The following TYW1B variants were observed in gnomAD, a reference collection of about 807,000 sequenced individuals.
The protein encoded by TYW1B is tRNA-yW synthesizing protein 1 homolog B.
In TYW1B, 73 loss-of-function variants were observed where a neutral mutation model predicts 86.9. The observed-to-expected ratio is 0.84, with a 90% CI of 0.70 to 1.02. TYW1B has a LOEUF of 1.02. Ranked by LOEUF, TYW1B falls within the 50% of genes least tolerant of loss-of-function variation. TYW1B has a pLI of 0.00. For missense variants in TYW1B, 637 were observed against 827.4 expected (o/e 0.77, Z 2.82); for synonymous variants, 248 against 292.8 (o/e 0.85, Z 1.56).
intron 3 of TYW1B, among the ~76,000 whole-genome samples, chr7:72,814,013 TAAA>T (rs72093914): frequency 3.0e-5 from 4 of 132,406 alleles, no homozygotes; most frequent in East Asian, 2.1e-4. Flanking sequence ...AAAACTCCAT[TAAA>T]AAAAAAAAAA....
chr7:72,636,337 G>A (rs1161980001), intron 11 of TYW1B, among the ~76,000 whole-genome samples: 11 of 151,976 alleles, frequency 7.2e-5, no homozygotes, highest in Non-Finnish European at 8.8e-5. Context: ...TTATTAAAGC[G>A]AATAATTACA....
intron 3 of TYW1B, among the ~76,000 whole-genome samples, chr7:72,814,656 G>C (rs2129572796): frequency 6.6e-6 from 1 of 152,188 alleles, no homozygotes; most frequent in African/African-American, 2.4e-5. Context: ...AGCTACTTTA[G>C]GAGGCTGAGG....
At chr7:72,822,698 T>C (rs1788852212) in intron 2 of TYW1B, among the ~76,000 whole-genome samples, 2 of 152,160 alleles carry the variant, frequency 1.3e-5, no homozygotes, top group South Asian at 2.1e-4. Context: ...TGTAATCCTA[T>C]CCTGTAATCC....
At chr7:72,580,376 G>T (rs1158901295) in intron 13 of TYW1B, among the ~76,000 whole-genome samples, 2 of 152,182 alleles carry the variant, frequency 1.3e-5, no homozygotes, top group African/African-American at 4.8e-5. Flanking sequence ...CTGAGGTTAA[G>T]TATCCTGAGA....
At chr7:72,812,983 C>T (rs1788649620) in intron 3 of TYW1B, among the ~76,000 whole-genome samples, 1 of 151,972 alleles carries the variant, frequency 6.6e-6, no homozygotes. Flanking sequence ...CAAGAGCCAC[C>T]CCACCTGGCC....
intron 11 of TYW1B, among the ~76,000 whole-genome samples, chr7:72,691,192 G>C (rs1247031272): frequency 3.1e-4 from 31 of 99,928 alleles, no homozygotes; most frequent in African/African-American, 1.3e-3. Flanking sequence ...TCAGAAGGAA[G>C]TAACAGCTTG....
At chr7:72,747,258 C>T (rs1286391962) in intron 7 of TYW1B, among the ~76,000 whole-genome samples, 10 of 152,116 alleles carry the variant, frequency 6.6e-5, no homozygotes, top group Non-Finnish European at 1.3e-4. Context: ...TCAAAAGATC[C>T]GATGGGTTTA....
chr7:72,770,786 T>A (rs1173877219), intron 7 of TYW1B, among the ~76,000 whole-genome samples: 1 of 152,096 alleles, frequency 6.6e-6, no homozygotes, highest in Non-Finnish European at 1.5e-5. Context: ...TTACAGCTCT[T>A]TAAAAACTGG....
intron 2 of TYW1B, among the ~76,000 whole-genome samples, chr7:72,826,254 C>G (rs1204459906): frequency 6.6e-6 from 1 of 152,154 alleles, no homozygotes; most frequent in African/African-American, 2.4e-5. Context: ...AATAATTACA[C>G]AAAATCCATC....
intron 10 of TYW1B, among the ~76,000 whole-genome samples, chr7:72,712,086 G>A (rs1554454875): frequency 6.6e-6 from 1 of 151,968 alleles, no homozygotes; most frequent in Non-Finnish European, 1.5e-5. Flanking sequence ...TTTCCCCAGA[G>A]GCCCCAGGAG....
chr7:72,602,594 C>T (rs1811690601), intron 13 of TYW1B, among the ~76,000 whole-genome samples: 1 of 152,120 alleles, frequency 6.6e-6, no homozygotes, highest in African/African-American at 2.4e-5. Flanking sequence ...TGCTCCTCAA[C>T]TTACAATGGG....
intron 10 of TYW1B, among the ~76,000 whole-genome samples, chr7:72,709,527 GGGT>G (rs558822990): frequency 1.0e-3 from 156 of 152,292 alleles, no homozygotes; most frequent in African/African-American, 3.6e-3. Context: ...AATTAGCTGG[GGGT>G]GGTGGTGGGT....
chr7:72,798,131 C>T (rs1342275836), intron 6 of TYW1B, among the ~76,000 whole-genome samples: 3 of 152,078 alleles, frequency 2.0e-5, no homozygotes, highest in African/African-American at 4.8e-5. Flanking sequence ...CGGCCGGGCG[C>T]GGTGGCTCAT....
intron 13 of TYW1B, among the ~76,000 whole-genome samples, chr7:72,589,315 G>T (rs1554431013): frequency 6.6e-6 from 1 of 152,210 alleles, no homozygotes; most frequent in Non-Finnish European, 1.5e-5. Flanking sequence ...TTTCTTCGTG[G>T]TGATGAAAGA....
chr7:72,668,759 C>T (rs1554445772), intron 11 of TYW1B, among the ~76,000 whole-genome samples: 3 of 152,156 alleles, frequency 2.0e-5, no homozygotes. Context: ...CAGTCTGTGA[C>T]ATTTTAAGTT....
intron 13 of TYW1B, among the ~76,000 whole-genome samples, chr7:72,608,262 G>C (rs1437348364): frequency 5.3e-5 from 8 of 152,340 alleles, no homozygotes; most frequent in African/African-American, 1.9e-4. Flanking sequence ...GAAGGAGTAA[G>C]AATATGAGTA....
intron 11 of TYW1B, among the ~76,000 whole-genome samples, chr7:72,666,326 T>G (rs1181925830): frequency 2.0e-5 from 3 of 152,112 alleles, no homozygotes; most frequent in Non-Finnish European, 4.4e-5. Context: ...TTTGGGAGGC[T>G]GAGGTGGGAA....
At chr7:72,709,230 G>T (rs1814684648) in intron 10 of TYW1B, among the ~76,000 whole-genome samples, 2 of 152,100 alleles carry the variant, frequency 1.3e-5, no homozygotes, top group South Asian at 4.1e-4. Context: ...CCCACTTTTT[G>T]AGATCTAAAT....
intron 13 of TYW1B, among the ~76,000 whole-genome samples, chr7:72,579,390 C>G (rs1811097254): frequency 6.6e-6 from 1 of 152,184 alleles, no homozygotes; most frequent in South Asian, 2.1e-4. Context: ...AACTGGAAGA[C>G]CAAGTAAATG....
Sources: allele counts gnomAD v4.1 joint callset (sites outside exome capture counted in the v4.1 genomes callset), GRCh38; gene constraint gnomAD v4.1.1; transcripts MANE v1.5; gene names NCBI Gene and HGNC (gene_info 2026-07-23, HGNC 2026-07-21).